The following KPNA6 variants were observed in gnomAD, a reference collection of about 807,000 sequenced individuals.
KPNA6 encodes the protein importin subunit alpha-7.
Under a neutral mutation model 72.0 loss-of-function variants are expected in KPNA6, and 9 were observed. The observed-to-expected ratio is 0.13, with a 90% CI of 0.08 to 0.22. The LOEUF (loss-of-function observed/expected upper bound fraction) is 0.22. Ranked by LOEUF, KPNA6 falls within the 10% of genes least tolerant of loss-of-function variation. The pLI, the probability that KPNA6 is intolerant of heterozygous loss-of-function variation, is 1.00. For missense variants in KPNA6, 374 were observed against 655.7 expected (o/e 0.57, Z 4.69); for synonymous variants, 219 against 242.1 (o/e 0.90, Z 0.89).
intron 1 of KPNA6, among the ~76,000 whole-genome samples, chr1:32,125,070 C>A (rs544747167): frequency 1.3e-5 from 2 of 152,164 alleles, no homozygotes; most frequent in Non-Finnish European, 2.9e-5. Flanking sequence ...GTCTCGAACT[C>A]CTGAGCTCAG....
At chr1:32,124,986 C>T (rs150530587) in intron 1 of KPNA6, among the ~76,000 whole-genome samples, 1,898 of 151,800 alleles carry the variant, frequency 0.013, 35 homozygotes, top group African/African-American at 0.043. Context: ...CCGGGACTAC[C>T]GGCGCATGCC....
intron 12 of KPNA6, among the ~76,000 whole-genome samples, chr1:32,168,274 C>G (rs1433134722): frequency 6.6e-6 from 1 of 152,226 alleles, no homozygotes; most frequent in African/African-American, 2.4e-5. Flanking sequence ...ACCGCAACCT[C>G]TGCCTCCCAG....
intron 7 of KPNA6, 133 bp from the exon 8 acceptor site, chr1:32,161,809 ATTAAC>A (rs1202220835): frequency 6.1e-6 from 4 of 660,638 alleles, no homozygotes; most frequent in Non-Finnish European, 1.1e-5. Context: ...TACCAGCTCT[ATTAAC>A]TTAGGTCTGT....
At position 32,170,729 on chromosome 1, in the gene KPNA6, C is replaced by T. The variant is rs777493377; in HGVS notation, c.1446C>T (p.Leu482=). The T allele has an allele frequency of 1.7e-5, 28 of 1,613,962 alleles. No homozygotes were observed. The highest frequency in any genetic ancestry group is 2.2e-5 in the Non-Finnish European group (26 of 1,179,974). The stretch of plus-strand genomic sequence containing the variant: ...TAGGCTTGGATAAAATTGAGTTTCT[C>T]CAGAGCCACGAGAACCAGGAGATCT... ...EAYGLDKIEF[L]QSHENQEIYQ... Residue 482 remains leucine (L), a synonymous_variant, in exon 14 of 14, where the codon CTC becomes CTT. Coordinates refer to ENST00000373625, the MANE Select transcript of KPNA6 (RefSeq NM_012316.5).
In KPNA6 at chr1:32,167,869, C is replaced by CA. The variant is rs943672938; in HGVS notation, c.1244+582dup. On this transcript the variant is annotated intron_variant, in intron 12 of 13. Transcript: ENST00000373625. ...AGTCTGTCACAAAAAAAAAAAAAAA[C>CA]AAAAAAAAACAAGCAAGCTGGTGTA... 7.0e-3 allele frequency among the ~76,000 whole-genome samples: 990 copies of CA among 140,910 alleles called. 4 individuals are homozygous for CA. Among genetic ancestry groups the CA allele is most frequent in the Non-Finnish European group, 8.8e-3 (566 of 64,338 alleles). 92.4% of individuals were successfully genotyped at this position (140,910 alleles called of 152,430 possible).
At chr1:32,150,857 C>T (rs1642019091) in intron 1 of KPNA6, among the ~76,000 whole-genome samples, 1 of 150,132 alleles carries the variant, frequency 6.7e-6, no homozygotes, top group Non-Finnish European at 1.5e-5. Context: ...AATCTCTTGA[C>T]CTCGTGGTCC....
At position 32,166,101 on chromosome 1, in the gene KPNA6, C is replaced by A; in HGVS notation, c.991-4C>A. ...TTTTGTTTCCTGTGCTTTTGGTGTT[C>A]TAGGTCATTCTTAACTGTTCAGCCC... is the stretch of plus-strand genomic sequence containing the variant. On this transcript the variant is annotated splice_polypyrimidine_tract_variant and splice_region_variant and intron_variant, in intron 10 of 13. Transcript: ENST00000373625. 6.2e-7 allele frequency: 1 copy of A among 1,604,298 alleles called. No individual in the cohort carries two copies. Among genetic ancestry groups the A allele is most frequent in the East Asian group, 2.2e-5 (1 of 44,750 alleles).
intron 1 of KPNA6, among the ~76,000 whole-genome samples, chr1:32,117,385 G>A (rs1460010126): frequency 6.6e-6 from 1 of 151,600 alleles, no homozygotes; most frequent in Non-Finnish European, 1.5e-5. Context: ...TCTTGGCCAG[G>A]CTGGTCTTGA....
chr1:32,142,523 G>C (rs1220818657), intron 1 of KPNA6, among the ~76,000 whole-genome samples: 1 of 152,112 alleles, frequency 6.6e-6, no homozygotes, highest in Non-Finnish European at 1.5e-5. Context: ...ACATGATTCA[G>C]CCATTTTAAG....
chr1:32,117,474 A>G (rs1641347185), intron 1 of KPNA6, among the ~76,000 whole-genome samples: 1 of 146,616 alleles, frequency 6.8e-6, no homozygotes. Context: ...GCCCGGCCCA[A>G]TTTGTTTTTT....
At chr1:32,148,714 G>A (rs1451014519) in intron 1 of KPNA6, among the ~76,000 whole-genome samples, 3 of 151,498 alleles carry the variant, frequency 2.0e-5, no homozygotes, top group Admixed American at 6.6e-5. Context: ...ACGCCACCAC[G>A]CCTGGGTATG....
chr1:32,115,419 G>T (rs910365559), intron 1 of KPNA6, among the ~76,000 whole-genome samples: 1 of 152,012 alleles, frequency 6.6e-6, no homozygotes, highest in African/African-American at 2.4e-5. Context: ...ATTACAAGGC[G>T]TGAGCCACTG....
chr1:32,158,706 A>G (rs1338597642), intron 5 of KPNA6, among the ~76,000 whole-genome samples: 1 of 152,168 alleles, frequency 6.6e-6, no homozygotes. Context: ...AGGGGTTATT[A>G]GATGAAAGCC....
At chr1:32,167,041 A>T in intron 11 of KPNA6, 128 bp from the exon 12 acceptor site, 1 of 1,199,264 alleles carries the variant, frequency 8.3e-7, no homozygotes, top group South Asian at 1.4e-5. Context: ...TCACCTATAT[A>T]GGAAGAACAA....
At chr1:32,108,564 G>A (rs1325562542) in intron 1 of KPNA6, among the ~76,000 whole-genome samples, 1 of 152,252 alleles carries the variant, frequency 6.6e-6, no homozygotes, top group East Asian at 1.9e-4. Flanking sequence ...CCTGAACTCA[G>A]GGAAGTCCTA....
intron 10 of KPNA6, 51 bp downstream of exon 10, chr1:32,163,364 GGA>G (rs1642277248): frequency 7.4e-7 from 1 of 1,356,324 alleles, no homozygotes; most frequent in African/African-American, 1.4e-5. Context: ...AAGAGCTTGT[GGA>G]GAGCTGCCAG....
At chr1:32,123,130 C>CTGATTGGATG (rs1641465954) in intron 1 of KPNA6, among the ~76,000 whole-genome samples, 1 of 152,044 alleles carries the variant, frequency 6.6e-6, no homozygotes, top group South Asian at 2.1e-4. Context: ...GCCATTCTTT[C>CTGATTGGATG]TGATTGGATG....
chr1:32,159,311 G>A, intron 5 of KPNA6, 89 bp from the exon 6 acceptor site: 2 of 1,378,856 alleles, frequency 1.5e-6, no homozygotes, highest in South Asian at 1.4e-5. Flanking sequence ...TAAATTCATG[G>A]GCAGGAGGCT....
chr1:32,142,895 A>G, intron 1 of KPNA6: 1 of 1,235,544 alleles, frequency 8.1e-7, no homozygotes, highest in Non-Finnish European at 1.1e-6. Flanking sequence ...TATTTGTGAT[A>G]GTTTCTTGTC....
Sources: gnomAD v4.1 joint callset for allele counts (sites outside exome capture counted in the v4.1 genomes callset) on GRCh38, gnomAD v4.1.1 for gene constraint, MANE v1.5 for transcripts, NCBI Gene and HGNC (gene_info 2026-07-23, HGNC 2026-07-21) for gene names.